The following GLRA1 variants were observed in gnomAD, a reference collection of about 807,000 sequenced individuals.
GLRA1 encodes glycine receptor alpha 1, also known as glycine receptor subunit alpha-1.
GLRA1 carries 37 observed loss-of-function variants against 48.3 expected under a neutral mutation model. That is an observed-to-expected ratio of 0.77 (90% CI 0.59 to 1.01). The LOEUF is 1.01. Ranked by LOEUF, GLRA1 falls within the 50% of genes least tolerant of loss-of-function variation. The pLI, the probability that GLRA1 is intolerant of heterozygous loss-of-function variation, is 0.00. For missense variants in GLRA1, 427 were observed against 571.0 expected (o/e 0.75, Z 2.57); for synonymous variants, 196 against 210.7 (o/e 0.93, Z 0.60).
At chr5:151,830,792 A>G (rs962327864) in intron 7 of GLRA1, among the ~76,000 whole-genome samples, 1 of 152,258 alleles carries the variant, frequency 6.6e-6, no homozygotes, top group Non-Finnish European at 1.5e-5. Flanking sequence ...AATCCTGAAG[A>G]GAGGGTAGAA....
At chr5:151,833,378 C>T (rs776396115) in intron 7 of GLRA1, among the ~76,000 whole-genome samples, 15 of 152,158 alleles carry the variant, frequency 9.9e-5, no homozygotes, top group Non-Finnish European at 1.6e-4. Flanking sequence ...AATCAAGACT[C>T]ATCAGTGTGC....
intron 8 of GLRA1, among the ~76,000 whole-genome samples, chr5:151,824,077 G>T (rs992906249): frequency 6.6e-6 from 1 of 150,594 alleles, no homozygotes; most frequent in African/African-American, 2.4e-5. Flanking sequence ...GTGCAGGACC[G>T]GGCCAACAGA....
At chr5:151,902,200 C>T (rs572113257) in intron 1 of GLRA1, among the ~76,000 whole-genome samples, 4 of 152,228 alleles carry the variant, frequency 2.6e-5, no homozygotes, top group South Asian at 2.1e-4. Context: ...CTCATACCAG[C>T]GCTGTGACAA....
At chr5:151,915,534 T>G (rs1467497142) in intron 1 of GLRA1, among the ~76,000 whole-genome samples, 1 of 152,098 alleles carries the variant, frequency 6.6e-6, no homozygotes, top group African/African-American at 2.4e-5. Context: ...ATCCATAACA[T>G]AAAATGCTCT....
intron 3 of GLRA1, among the ~76,000 whole-genome samples, chr5:151,882,298 C>T (rs1447949130): frequency 6.6e-6 from 1 of 152,186 alleles, no homozygotes; most frequent in Non-Finnish European, 1.5e-5. Context: ...ATTTTCTGAT[C>T]CTCAGCTTTC....
chr5:151,861,740 T>C (rs546218430), intron 3 of GLRA1, among the ~76,000 whole-genome samples: 1 of 152,302 alleles, frequency 6.6e-6, no homozygotes, highest in East Asian at 1.9e-4. Flanking sequence ...GAAGGACCTC[T>C]TCAAGGAGAA....
At chr5:151,860,676 G>C (rs911960793) in intron 3 of GLRA1, among the ~76,000 whole-genome samples, 9 of 152,084 alleles carry the variant, frequency 5.9e-5, no homozygotes, top group Non-Finnish European at 1.0e-4. Flanking sequence ...ATGTTGATTT[G>C]TTTGGAAAGG....
chr5:151,822,970 T>C lies in GLRA1; in HGVS notation c.1060-7A>G. 6.3e-7 allele frequency: 1 copy of C among 1,596,248 alleles called. No homozygotes were observed. Among genetic ancestry groups the C allele is most frequent in the Non-Finnish European group, 8.5e-7 (1 of 1,170,060 alleles). ...CTTCTCCAGCTTCATCCTCCTGGAA[T>C]AGATTCAACATGGGGCTCTACTTAA... is the stretch of plus-strand genomic sequence containing the variant. On this transcript the variant is annotated splice_region_variant and splice_polypyrimidine_tract_variant and intron_variant, in intron 8 of 8. Transcript: ENST00000274576.
intron 1 of GLRA1, among the ~76,000 whole-genome samples, chr5:151,921,699 A>G (rs1234595687): frequency 6.6e-6 from 1 of 152,202 alleles, no homozygotes; most frequent in Non-Finnish European, 1.5e-5. Context: ...ACGTGCTTCT[A>G]CCATTAAAAA....
intron 3 of GLRA1, among the ~76,000 whole-genome samples, chr5:151,878,464 A>C (rs948297527): frequency 2.6e-5 from 4 of 152,240 alleles, no homozygotes; most frequent in Non-Finnish European, 5.9e-5. Context: ...AGAAATTTGC[A>C]TAAGTAATGA....
chr5:151,858,687 G>A (rs1296258159), intron 4 of GLRA1, among the ~76,000 whole-genome samples: 1 of 151,978 alleles, frequency 6.6e-6, no homozygotes, highest in Non-Finnish European at 1.5e-5. Flanking sequence ...CTGCTTTCAG[G>A]AAAGACCGAG....
Position 151,860,012 on chromosome 5 carries a change from C to T in GLRA1, c.253-4G>A, listed in dbSNP as rs1561560404. ...GGAAGATGTTGACCCTATAGTCCTACAGCCAGGAAATAACAAGGTGAAGGC... is the reference window on the plus strand; with the variant it reads ...GGAAGATGTTGACCCTATAGTCCTATAGCCAGGAAATAACAAGGTGAAGGC... On this transcript the variant is annotated splice_polypyrimidine_tract_variant and splice_region_variant and intron_variant, in intron 3 of 8. Transcript: ENST00000274576. The T allele has an allele frequency of 6.2e-7, 1 of 1,610,056 alleles. No individual in the cohort carries two copies. Among genetic ancestry groups the T allele is most frequent in the Non-Finnish European group, 8.5e-7 (1 of 1,176,510 alleles).
At chr5:151,824,232 C>T (rs1000633856) in intron 8 of GLRA1, among the ~76,000 whole-genome samples, 3 of 151,624 alleles carry the variant, frequency 2.0e-5, no homozygotes, top group Admixed American at 2.0e-4. Context: ...CTCCTGGCCT[C>T]GAGATCCTCC....
intron 3 of GLRA1, among the ~76,000 whole-genome samples, chr5:151,884,833 T>A (rs2113403597): frequency 6.6e-6 from 1 of 152,352 alleles, no homozygotes; most frequent in South Asian, 2.1e-4. Context: ...ACACTCACTG[T>A]ACAGATTATG....
At chr5:151,855,662 G>C (rs1025185902) in intron 5 of GLRA1, among the ~76,000 whole-genome samples, 4 of 152,178 alleles carry the variant, frequency 2.6e-5, no homozygotes, top group African/African-American at 4.8e-5. Flanking sequence ...GTTCAGAATT[G>C]GTTTGTGCTG....
At position 151,869,867 on chromosome 5, in the gene GLRA1, A is replaced by C. The variant is rs143929242; in HGVS notation, c.253-9859T>G. Among the ~76,000 whole-genome samples, 674 of 149,928 alleles carry C rather than the reference A, an allele frequency of 4.5e-3. 12 individuals carry two copies. Among genetic ancestry groups the C allele is most frequent in the Non-Finnish European group, 7.0e-3 (478 of 68,028 alleles). On this transcript the variant is annotated intron_variant, in intron 3 of 8. Coordinates refer to ENST00000274576, the MANE Select transcript of GLRA1 (RefSeq NM_000171.4). ...GAGGTTAAGTTTCTTGCCCAAGATCACATAGCTAGTAGGTGCTAGGAACAG... is the reference window on the plus strand; with the variant it reads ...GAGGTTAAGTTTCTTGCCCAAGATCCCATAGCTAGTAGGTGCTAGGAACAG...
At chr5:151,877,243 C>G (rs1753648219) in intron 3 of GLRA1, among the ~76,000 whole-genome samples, 2 of 152,126 alleles carry the variant, frequency 1.3e-5, no homozygotes, top group Non-Finnish European at 2.9e-5. Context: ...GAGCTACTAC[C>G]TGGGGGAAAG....
At chr5:151,915,681 T>C (rs1754720390) in intron 1 of GLRA1, among the ~76,000 whole-genome samples, 1 of 150,234 alleles carries the variant, frequency 6.7e-6, no homozygotes, top group Admixed American at 6.7e-5. Flanking sequence ...ATTTCAATGG[T>C]TATATACATG....
Position 151,829,521 on chromosome 5 carries a change from A to G in GLRA1, c.913-454T>C, listed in dbSNP as rs146381524. On this transcript the variant is annotated intron_variant, in intron 7 of 8. Transcript: ENST00000274576. ...GAACTCCACTAATTACCAAAGGCTT[A>G]TATCAGTCCTGTGAACATTTATTCA... Among the ~76,000 whole-genome samples, 753 of 152,350 alleles carry G rather than the reference A, an allele frequency of 4.9e-3. 8 individuals are homozygous for G. Among genetic ancestry groups the G allele is most frequent in the African/African-American group, 0.016 (672 of 41,582 alleles).
Sources: allele counts gnomAD v4.1 joint callset (sites outside exome capture counted in the v4.1 genomes callset), GRCh38; gene constraint gnomAD v4.1.1; transcripts MANE v1.5; gene names NCBI Gene and HGNC (gene_info 2026-07-23, HGNC 2026-07-21).